The following VWA8 variants were observed in gnomAD, a reference collection of about 807,000 sequenced individuals.
VWA8 encodes von Willebrand factor A domain containing 8.
A neutral mutation model predicts 241.5 loss-of-function variants in VWA8; 221 were observed. The ratio of observed to expected loss-of-function variants is 0.91; its 90% CI spans 0.82 to 1.02. The LOEUF (loss-of-function observed/expected upper bound fraction) is 1.02. Among genes scored for constraint, VWA8 ranks in the 50% least tolerant of loss-of-function variants. The pLI is 0.00. For missense variants in VWA8, 2,322 were observed against 2,328.7 expected, an observed-to-expected ratio of 1.00 and a Z score of 0.06; for synonymous variants, 852 against 827.1, an observed-to-expected ratio of 1.03 and a Z score of -0.52.
chr13:41,714,445 G>A (rs1450448644), intron 26 of VWA8, among the ~76,000 whole-genome samples: 1 of 151,908 alleles, frequency 6.6e-6, no homozygotes, highest in East Asian at 1.9e-4. Flanking sequence ...AGAAGGCAGG[G>A]AGAGAAAAAC....
intron 37 of VWA8, among the ~76,000 whole-genome samples, chr13:41,642,283 G>C (rs2044800385): frequency 6.6e-6 from 1 of 152,180 alleles, no homozygotes; most frequent in African/African-American, 2.4e-5. Context: ...ATGCAGGCCA[G>C]GTGCGGTGGC....
At chr13:41,855,320 T>TTA (rs902320562) in intron 12 of VWA8, among the ~76,000 whole-genome samples, 10 of 145,278 alleles carry the variant, frequency 6.9e-5, no homozygotes, top group East Asian at 3.9e-4. Flanking sequence ...ATATATTTAT[T>TTA]TATATATATA....
chr13:41,856,578 T>A (rs1042894815), intron 12 of VWA8, among the ~76,000 whole-genome samples: 1 of 152,158 alleles, frequency 6.6e-6, no homozygotes, highest in Non-Finnish European at 1.5e-5. Context: ...CCGAACACTT[T>A]GGGAGACCAA....
intron 17 of VWA8, among the ~76,000 whole-genome samples, chr13:41,789,865 A>C (rs1388672155): frequency 2.0e-5 from 3 of 152,342 alleles, no homozygotes; most frequent in Admixed American, 6.5e-5. Context: ...TAGTATTGGA[A>C]TATTTAAGAT....
At chr13:41,875,117 C>T (rs1566490238) in intron 9 of VWA8, among the ~76,000 whole-genome samples, 1 of 152,128 alleles carries the variant, frequency 6.6e-6, no homozygotes, top group Non-Finnish European at 1.5e-5. Flanking sequence ...TTCCTTCATC[C>T]TCAAAATCAT....
chr13:41,810,291 A>C (rs1190406386), intron 17 of VWA8, among the ~76,000 whole-genome samples: 1 of 152,160 alleles, frequency 6.6e-6, no homozygotes, highest in South Asian at 2.1e-4. Context: ...CCCAACAGAA[A>C]GAAAATCCAT....
At chr13:41,699,774 AT>A (rs1417823324) in intron 28 of VWA8, among the ~76,000 whole-genome samples, 1 of 152,144 alleles carries the variant, frequency 6.6e-6, no homozygotes, top group Non-Finnish European at 1.5e-5. Flanking sequence ...TATTTTCCAA[AT>A]TTTTGTTCAT....
chr13:41,777,885 A>C lies in VWA8; in HGVS notation c.2349+100T>G, dbSNP rs1051351928. The C allele has an allele frequency of 3.9e-6, 4 of 1,022,764 alleles. No homozygotes were observed. The Admixed American group carries it at 8.9e-5, about 23-fold the overall frequency. The allele number at this position is 1,022,764 out of a possible 1,614,324, so 63.4% of individuals were successfully genotyped here. ...ATCCTTTAATTAAACCAGTCATTTAATAGGGGAAAAAATAACTGATTCCAA... is the reference window on the plus strand; with the variant it reads ...ATCCTTTAATTAAACCAGTCATTTACTAGGGGAAAAAATAACTGATTCCAA... On this transcript the variant is annotated intron_variant, in intron 20 of 44. Coordinates refer to ENST00000379310, the MANE Select transcript of VWA8 (RefSeq NM_015058.2).
Position 41,949,925 on chromosome 13 carries a change from A to T in VWA8, c.241+11T>A. 6.7e-7 allele frequency: 1 copy of T among 1,501,952 alleles called. No individual in the cohort carries two copies. The highest frequency in any genetic ancestry group is 9.0e-7 in the Non-Finnish European group (1 of 1,106,542). 93.0% of individuals were successfully genotyped at this position (1,501,952 alleles called of 1,614,324 possible). ...AAGTTATTCATTCATATATTAATAA[A>T]TATTTCTTACTGTAGTTCTGTGGCA... is the stretch of plus-strand genomic sequence containing the variant. On this transcript the variant is annotated intron_variant, in intron 2 of 44. Coordinates refer to ENST00000379310, the MANE Select transcript of VWA8 (RefSeq NM_015058.2).
chr13:41,873,921 T>C (rs1388385700), intron 9 of VWA8, among the ~76,000 whole-genome samples: 2 of 152,286 alleles, frequency 1.3e-5, no homozygotes, highest in African/African-American at 4.8e-5. Flanking sequence ...TGAACATTGA[T>C]GCAAAAATCC....
intron 21 of VWA8, among the ~76,000 whole-genome samples, chr13:41,734,751 A>AC (rs373087359): frequency 3.9e-5 from 6 of 152,200 alleles, no homozygotes; most frequent in Middle Eastern, 3.4e-3. Flanking sequence ...CCCATAATCT[A>AC]CTGCTTCTTA....
chr13:41,759,008 C>G (rs2045719833), intron 21 of VWA8, among the ~76,000 whole-genome samples: 1 of 151,298 alleles, frequency 6.6e-6, no homozygotes, highest in Non-Finnish European at 1.5e-5. Context: ...GAGATAAAAC[C>G]TCCTTGGTTA....
intron 21 of VWA8, among the ~76,000 whole-genome samples, chr13:41,734,700 C>A (rs2045511933): frequency 6.6e-6 from 1 of 152,188 alleles, no homozygotes; most frequent in African/African-American, 2.4e-5. Context: ...TAACCAACTC[C>A]CATCACCATA....
chr13:41,830,737 G>A, intron 13 of VWA8, 95 bp from the exon 14 acceptor site: 1 of 1,015,026 alleles, frequency 9.9e-7, no homozygotes, highest in Non-Finnish European at 1.4e-6. Flanking sequence ...GTCTATTATT[G>A]CTGGCAATTG....
intron 37 of VWA8, among the ~76,000 whole-genome samples, chr13:41,637,007 T>C (rs376216457): frequency 0.049 from 7,149 of 146,804 alleles, 299 homozygotes; most frequent in African/African-American, 0.13. Flanking sequence ...GTCAGTGTGG[T>C]GATTCCTCAG....
chr13:41,905,492 T>C (rs1279887757), intron 4 of VWA8, among the ~76,000 whole-genome samples: 1 of 152,090 alleles, frequency 6.6e-6, no homozygotes, highest in Non-Finnish European at 1.5e-5. Context: ...GACTATAAAT[T>C]ATTTAAAATT....
At chr13:41,903,029 C>T (rs1038783297) in intron 4 of VWA8, among the ~76,000 whole-genome samples, 2 of 151,958 alleles carry the variant, frequency 1.3e-5, no homozygotes, top group African/African-American at 4.8e-5. Context: ...TCCCTTCAGC[C>T]CAAACATCAA....
chr13:41,658,113 T>C (rs1383420852), intron 37 of VWA8, among the ~76,000 whole-genome samples: 2 of 152,220 alleles, frequency 1.3e-5, no homozygotes, highest in Non-Finnish European at 2.9e-5. Context: ...CAGTGTTTCC[T>C]AACAGCTAGA....
At position 41,699,094 on chromosome 13, in the gene VWA8, G is replaced by A. The variant is rs1271382640; in HGVS notation, c.3541C>T (p.Gln1181Ter). ...VAPLGSPLKG[Q>*]VVLHEQQSNV... ...ACCTGCTGCTCATGGAGAACCACTT[G>A]ACCTTTGAGAGGACTTCCCAGCGGT... is the stretch of plus-strand genomic sequence containing the variant. The change falls in exon 29 of 45, where the codon CAA (glutamine) becomes TAA (stop). Residue 1181 changes from glutamine to a stop codon, truncating the protein, a stop_gained. Coordinates refer to ENST00000379310, the MANE Select transcript of VWA8 (RefSeq NM_015058.2). LOFTEE classifies it high-confidence loss of function. 2 of 1,613,768 alleles carry A rather than the reference G, an allele frequency of 1.2e-6. No individual in the cohort carries two copies. Among genetic ancestry groups the A allele is most frequent in the Non-Finnish European group, 1.7e-6 (2 of 1,179,890 alleles).
Sources: allele counts gnomAD v4.1 joint callset (sites outside exome capture counted in the v4.1 genomes callset), GRCh38; gene constraint gnomAD v4.1.1; transcripts MANE v1.5; gene names NCBI Gene and HGNC (gene_info 2026-07-23, HGNC 2026-07-21).